GRIK4: variants seen among roughly 807,000 people sequenced by gnomAD.
The protein encoded by GRIK4 is glutamate ionotropic receptor kainate type subunit 4, also known as glutamate receptor ionotropic, kainate 4.
In GRIK4, 40 loss-of-function variants were observed where a neutral mutation model predicts 104.9. That is an observed-to-expected ratio of 0.38 (90% CI 0.30 to 0.50). GRIK4 has a LOEUF of 0.50. Among genes scored for constraint, GRIK4 ranks in the 20% least tolerant of loss-of-function variants. The pLI is 0.93. For synonymous variants in GRIK4, 485 were observed against 524.9 expected (o/e 0.92, Z 1.04); for missense variants, 1,047 against 1,308.1 (o/e 0.80, Z 3.08).
chr11:120,986,052 G>A lies in GRIK4; in HGVS notation c.2663G>A (p.Ser888Asn). 1 of 1,521,884 alleles carries A rather than the reference G, an allele frequency of 6.6e-7. No individual in the cohort carries two copies. 94.3% of individuals were successfully genotyped at this position (1,521,884 alleles called of 1,614,324 possible). A position where few individuals can be genotyped will look rare whatever the true frequency, so the allele number is the denominator to read the frequency against. ...CGACCGCGGGGCACGGCGACGCTCA[G>A]CAACGGGAAGCTGTGCGGGGCAGGG... is the stretch of plus-strand genomic sequence containing the variant. ...ERRPRGTATLSNGKLCGAGEP... is the reference protein window; with the variant it reads ...ERRPRGTATLNNGKLCGAGEP... The change falls in exon 21 of 21, where the codon AGC (serine) becomes AAC (asparagine). Residue 888 changes from serine to asparagine, a missense_variant. Physicochemically the swap from Ser to Asn is conservative, Grantham distance 46 (BLOSUM62 1). This residue lies in a region of GRIK4 where 160 missense variants were observed against 140.9 expected (regional missense o/e 1.14). Coordinates refer to ENST00000527524, the MANE Select transcript of GRIK4 (RefSeq NM_014619.5).
At chr11:120,919,295 C>A (rs1327957711) in intron 13 of GRIK4, among the ~76,000 whole-genome samples, 1 of 152,158 alleles carries the variant, frequency 6.6e-6, no homozygotes, top group Non-Finnish European at 1.5e-5. Context: ...AAGAGGCAAG[C>A]CTCAGCTGGG....
At chr11:120,774,509 G>A (rs1264381406) in intron 3 of GRIK4, among the ~76,000 whole-genome samples, 1 of 152,144 alleles carries the variant, frequency 6.6e-6, no homozygotes, top group African/African-American at 2.4e-5. Context: ...TCCCTTTTTG[G>A]GGGGACCTCA....
At chr11:120,764,017 T>C (rs1337567683) in intron 3 of GRIK4, among the ~76,000 whole-genome samples, 4 of 152,178 alleles carry the variant, frequency 2.6e-5, no homozygotes, top group Non-Finnish European at 4.4e-5. Flanking sequence ...TTCTGTCTCG[T>C]TGATCTGTCT....
At chr11:120,955,608 A>G (rs188818436) in intron 15 of GRIK4, among the ~76,000 whole-genome samples, 1 of 152,338 alleles carries the variant, frequency 6.6e-6, no homozygotes, top group Admixed American at 6.5e-5. Context: ...GGGGCCATTC[A>G]GAGAGACGCC....
intron 5 of GRIK4, among the ~76,000 whole-genome samples, chr11:120,818,552 A>T (rs1304042406): frequency 6.6e-6 from 1 of 152,160 alleles, no homozygotes; most frequent in African/African-American, 2.4e-5. Context: ...TCCTAGTTGA[A>T]TTCAGAAGTT....
At chr11:120,725,752 A>AG (rs1242499585) in intron 3 of GRIK4, among the ~76,000 whole-genome samples, 1 of 152,196 alleles carries the variant, frequency 6.6e-6, no homozygotes, top group African/African-American at 2.4e-5. Context: ...TTATAAAAAA[A>AG]AAAAATCTAT....
chr11:120,733,527 C>T (rs191931011), intron 3 of GRIK4, among the ~76,000 whole-genome samples: 34 of 151,952 alleles, frequency 2.2e-4, no homozygotes, highest in Middle Eastern at 3.4e-3. Flanking sequence ...ATAAGGTTTG[C>T]AAATACTATT....
intron 1 of GRIK4, among the ~76,000 whole-genome samples, chr11:120,515,932 G>T (rs560592653): frequency 2.6e-5 from 4 of 152,182 alleles, no homozygotes; most frequent in Non-Finnish European, 5.9e-5. Flanking sequence ...TTAGCTGTGG[G>T]CATCTCCTTT....
chr11:120,554,690 C>T (rs2136097991), intron 1 of GRIK4, among the ~76,000 whole-genome samples: 1 of 152,274 alleles, frequency 6.6e-6, no homozygotes, highest in South Asian at 2.1e-4. Context: ...TCCAGAGCAG[C>T]TGGGATTACA....
At chr11:120,803,418 A>C (rs1952658412) in intron 4 of GRIK4, among the ~76,000 whole-genome samples, 1 of 152,072 alleles carries the variant, frequency 6.6e-6, no homozygotes, top group Admixed American at 6.6e-5. Flanking sequence ...GCAGGTTGTT[A>C]GGTTGTTGTG....
chr11:120,589,188 G>C (rs189129236), intron 1 of GRIK4, among the ~76,000 whole-genome samples: 3 of 152,258 alleles, frequency 2.0e-5, no homozygotes, highest in Admixed American at 6.5e-5. Flanking sequence ...CTTGTAATAG[G>C]CTCAAGAATT....
chr11:120,739,372 C>T (rs1243850609), intron 3 of GRIK4, among the ~76,000 whole-genome samples: 2 of 152,212 alleles, frequency 1.3e-5, no homozygotes, highest in East Asian at 3.9e-4. Flanking sequence ...GCTCTGCCTG[C>T]TTTGCTGCCC....
intron 3 of GRIK4, among the ~76,000 whole-genome samples, chr11:120,779,570 A>G (rs1952110772): frequency 6.6e-6 from 1 of 152,346 alleles, no homozygotes; most frequent in East Asian, 1.9e-4. Flanking sequence ...CAGAAGTCAC[A>G]TAGACCTGGA....
chr11:120,696,202 C>T lies in GRIK4; in HGVS notation c.82+35802C>T, dbSNP rs567075979. 4.6e-5 allele frequency among the ~76,000 whole-genome samples: 7 copies of T among 152,286 alleles called. No individual in the cohort carries two copies. In the South Asian group the frequency reaches 1.4e-3, roughly 32 times the overall value. On this transcript the variant is annotated intron_variant, in intron 3 of 20. Transcript: ENST00000527524. ...TGTAGATGCTGCAGGCTAATTAACC[C>T]TGGGAGTGCAGAGCGAGAGGAAGAA...
At chr11:120,924,181 T>C (rs1943288617) in intron 13 of GRIK4, among the ~76,000 whole-genome samples, 1 of 152,100 alleles carries the variant, frequency 6.6e-6, no homozygotes, top group South Asian at 2.1e-4. Flanking sequence ...CATGAAAACA[T>C]CCAGATGTGC....
At chr11:120,639,445 T>G (rs1949442499) in intron 1 of GRIK4, among the ~76,000 whole-genome samples, 1 of 152,202 alleles carries the variant, frequency 6.6e-6, no homozygotes, top group Non-Finnish European at 1.5e-5. Context: ...TTGGGCTCAC[T>G]ATCCCTTGCT....
At chr11:120,573,360 C>T (rs1948428298) in intron 1 of GRIK4, among the ~76,000 whole-genome samples, 1 of 152,178 alleles carries the variant, frequency 6.6e-6, no homozygotes, top group Non-Finnish European at 1.5e-5. Flanking sequence ...AGAGCTGGGC[C>T]ATGATGAAAA....
intron 1 of GRIK4, among the ~76,000 whole-genome samples, chr11:120,644,008 GGTCT>G (rs1949505221): frequency 4.8e-5 from 2 of 41,812 alleles, no homozygotes; most frequent in South Asian, 1.2e-3. Context: ...CAGGGGAGAG[GGTCT>G]GTGTGTGTGT....
In GRIK4 at chr11:120,756,537, C is replaced by T. The variant is rs541203441; in HGVS notation, c.83-46156C>T. Among the ~76,000 whole-genome samples, 5 of 152,314 alleles carry T rather than the reference C, an allele frequency of 3.3e-5. No individual in the cohort carries two copies. In the East Asian group the frequency reaches 9.6e-4, roughly 29 times the overall value. ...GCTCTCTAAGACTTGGCTCAAAGGG[C>T]TGAGGTCCATGAGCCATACTGGACT... On this transcript the variant is annotated intron_variant, in intron 3 of 20. Coordinates refer to ENST00000527524, the MANE Select transcript of GRIK4 (RefSeq NM_014619.5).
Sources: allele counts gnomAD v4.1 joint callset (sites outside exome capture counted in the v4.1 genomes callset), GRCh38; gene constraint gnomAD v4.1.1; regional missense constraint gnomAD v4.1.1; transcripts MANE v1.5; gene names NCBI Gene and HGNC (gene_info 2026-07-23, HGNC 2026-07-21).